Variants in CHAT observed in about 807,000 individuals in gnomAD.
The protein encoded by CHAT is acetyl CoA:choline O-acetyltransferase.
CHAT carries 61 observed loss-of-function variants against 76.9 expected under a neutral mutation model. The observed-to-expected ratio is 0.79, with a 90% CI of 0.65 to 0.98. CHAT has a LOEUF of 0.98. Ranked by LOEUF, CHAT falls within the 50% of genes least tolerant of loss-of-function variation. The probability of loss-of-function intolerance (pLI) is 0.00; values close to 1 mark genes in which losing one functional copy is unlikely to be tolerated. For missense variants in CHAT, 946 were observed against 986.9 expected (o/e 0.96, Z 0.56); for synonymous variants, 407 against 397.4 (o/e 1.02, Z -0.29).
At position 49,619,691 on chromosome 10, in the gene CHAT, TA is replaced by T. The variant is rs755708254; in HGVS notation, c.388-33del. ...GGGGACAGGCATGGGGCGCACATAC[TA>T]GAGGCACAATGCCTATGAACCCTTT... On this transcript the variant is annotated intron_variant, in intron 2 of 14. Coordinates refer to ENST00000337653, the MANE Select transcript of CHAT (RefSeq NM_020549.5). The T allele has an allele frequency of 1.9e-4, 302 of 1,599,360 alleles. No individual in the cohort carries two copies. In the African/African-American group the frequency reaches 3.7e-3, roughly 20 times the overall value.
chr10:49,631,991 G>C (rs1199839031), intron 7 of CHAT, among the ~76,000 whole-genome samples: 1 of 152,016 alleles, frequency 6.6e-6, no homozygotes, highest in Non-Finnish European at 1.5e-5. Flanking sequence ...AACAGCTCCA[G>C]CTCCAAAACA....
At position 49,619,712 on chromosome 10, in the gene CHAT, C is replaced by A; in HGVS notation, c.388-13C>A. On this transcript the variant is annotated splice_polypyrimidine_tract_variant and intron_variant, in intron 2 of 14. Transcript: ENST00000337653. Reference sequence around the variant, plus strand: ...ATACTAGAGGCACAATGCCTATGAACCCTTTCTTCCAGGGGCTGCCCAAAC... The same window carrying A: ...ATACTAGAGGCACAATGCCTATGAAACCTTTCTTCCAGGGGCTGCCCAAAC... 1 of 1,607,990 alleles carries A rather than the reference C, an allele frequency of 6.2e-7. No homozygotes were observed. The highest frequency in any genetic ancestry group is 8.5e-7 in the Non-Finnish European group (1 of 1,179,820).
chr10:49,665,317 G>A lies in CHAT; in HGVS notation c.*271G>A, dbSNP rs1840319082. Among the ~76,000 whole-genome samples, 1 of 152,180 alleles carries A rather than the reference G, an allele frequency of 6.6e-6. No individual in the cohort carries two copies. The highest frequency in any genetic ancestry group is 6.5e-5 in the Admixed American group (1 of 15,278). ...TCAGAGGCAGCCTGGATGCACTGGG[G>A]AACCACACTAAGGACTCCTTCTGTG... On this transcript the variant is annotated 3_prime_UTR_variant, in exon 15 of 15. Coordinates refer to ENST00000337653, the MANE Select transcript of CHAT (RefSeq NM_020549.5).
intron 13 of CHAT, among the ~76,000 whole-genome samples, chr10:49,659,272 T>A (rs1030150693): frequency 1.1e-4 from 17 of 152,186 alleles, no homozygotes; most frequent in Admixed American, 1.1e-3. Context: ...TCAAAGATAT[T>A]TTTAGACAGA....
intron 7 of CHAT, among the ~76,000 whole-genome samples, chr10:49,644,096 C>T (rs141951007): frequency 8.5e-4 from 130 of 152,286 alleles, no homozygotes; most frequent in African/African-American, 2.9e-3. Context: ...GTGGAGGCCA[C>T]GTGCTCAGGG....
At chr10:49,661,778 G>A (rs1307164887) in intron 13 of CHAT, among the ~76,000 whole-genome samples, 1 of 152,084 alleles carries the variant, frequency 6.6e-6, no homozygotes, top group Non-Finnish European at 1.5e-5. Flanking sequence ...CAAAAAACCA[G>A]TGTGCATACT....
intron 7 of CHAT, among the ~76,000 whole-genome samples, chr10:49,633,834 G>A (rs116010085): frequency 1.9e-4 from 29 of 152,228 alleles, no homozygotes; most frequent in Non-Finnish European, 1.5e-4. Context: ...ACACAGTCCC[G>A]TAAATATTTA....
At chr10:49,655,922 T>TAGGGAAATCAAACTTGCA (rs1176105064) in intron 13 of CHAT, among the ~76,000 whole-genome samples, 2 of 152,158 alleles carry the variant, frequency 1.3e-5, no homozygotes, top group African/African-American at 4.8e-5. Flanking sequence ...TGAAAATTAA[T>TAGGGAAATCAAACTTGCA]AGGGAAATCA....
intron 7 of CHAT, among the ~76,000 whole-genome samples, chr10:49,632,883 C>T (rs2132752670): frequency 6.6e-6 from 1 of 152,352 alleles, no homozygotes; most frequent in African/African-American, 2.4e-5. Flanking sequence ...GGGAGCAGGG[C>T]TGCCTGCCGC....
chr10:49,614,445 T>TCGG lies in CHAT; in HGVS notation c.258_260dup (p.Ala87dup), dbSNP rs1564469079. ...CACTCCTGAGTGGTGCGGTGCAGCG[T>TCGG]CGGCCGAGGCAGCAGAGCCGAGGAG... On this transcript the variant is annotated inframe_insertion, in exon 1 of 15. Transcript: ENST00000337653. 1 of 1,547,518 alleles carries TCGG rather than the reference T, an allele frequency of 6.5e-7. No homozygotes were observed. The highest frequency in any genetic ancestry group is 1.2e-5 in the South Asian group (1 of 83,976).
intron 11 of CHAT, 79 bp downstream of exon 11, chr10:49,652,085 C>T (rs1167449447): frequency 4.4e-6 from 7 of 1,591,322 alleles, no homozygotes. Flanking sequence ...TAGAAGCATC[C>T]TGGAGGGAGG....
intron 5 of CHAT, among the ~76,000 whole-genome samples, 162 bp from the exon 6 acceptor site, chr10:49,625,311 T>A (rs904597300): frequency 6.6e-6 from 1 of 152,206 alleles, no homozygotes; most frequent in Non-Finnish European, 1.5e-5. Context: ...CCTCCACTAC[T>A]TTAAAAAGTG....
intron 2 of CHAT, among the ~76,000 whole-genome samples, chr10:49,618,382 G>A (rs140339140): frequency 2.5e-3 from 373 of 152,240 alleles, no homozygotes; most frequent in Middle Eastern, 0.01. Context: ...TGAAAGGCAG[G>A]GTTTGCTACC....
At chr10:49,644,214 C>A (rs576265090) in intron 7 of CHAT, among the ~76,000 whole-genome samples, 44 of 152,084 alleles carry the variant, frequency 2.9e-4, no homozygotes, top group African/African-American at 1.0e-3. Flanking sequence ...GCACAGCCTG[C>A]GTGATGATGA....
rs561562136 is a variant in CHAT at position 49,622,138 on chromosome 10, C to T, written c.740C>T (p.Ala247Val). 2.0e-5 allele frequency: 30 copies of T among 1,505,742 alleles called. No individual in the cohort carries two copies. In the African/African-American group the frequency reaches 3.7e-4, roughly 18 times the overall value. The allele number at this position is 1,505,742 out of a possible 1,614,324, so 93.3% of individuals were successfully genotyped here. A position where few individuals can be genotyped will look rare whatever the true frequency, so the allele number is the denominator to read the frequency against. ...ATCTCTGGTGTACTCAGCTACAAGGCCCTGCTGGACAGGTAGGACTGGGAG... is the reference window on the plus strand; with the variant it reads ...ATCTCTGGTGTACTCAGCTACAAGGTCCTGCTGGACAGGTAGGACTGGGAG... ...SLISGVLSYKALLDSHSIPTD... is the reference protein window; with the variant it reads ...SLISGVLSYKVLLDSHSIPTD... Residue 247 changes from alanine (A) to valine (V), a missense_variant, in exon 5 of 15, where the codon GCC (alanine) becomes GTC (valine). By Grantham distance (64) the Ala-to-Val change is moderately conservative. This residue lies in a region of CHAT where 548 missense variants were observed against 516.2 expected (regional missense o/e 1.06). Transcript: ENST00000337653.
rs1365888529 is a variant in CHAT at position 49,614,147 on chromosome 10, G to A, written c.-43G>A. The A allele has an allele frequency of 1.3e-6, 2 of 1,546,144 alleles. No homozygotes were observed. The highest frequency in any genetic ancestry group is 1.4e-5 in the African/African-American group (1 of 72,764). ...CGGGAAGCGCTCCGGGTAGATTCTG[G>A]GGGCCGGGAGCTGAGATCCCTGGGC... On this transcript the variant is annotated 5_prime_UTR_variant, in exon 1 of 15. Transcript: ENST00000337653.
At chr10:49,638,424 C>T (rs1324854443) in intron 7 of CHAT, among the ~76,000 whole-genome samples, 1 of 152,178 alleles carries the variant, frequency 6.6e-6, no homozygotes, top group African/African-American at 2.4e-5. Context: ...GTATTTAGAA[C>T]ATTTACACTT....
At position 49,616,599 on chromosome 10, in the gene CHAT, G is replaced by A; in HGVS notation, c.384G>A (p.Glu128=). 1.2e-6 allele frequency: 2 copies of A among 1,602,744 alleles called. No individual in the cohort carries two copies. The highest frequency in any genetic ancestry group is 1.7e-6 in the Non-Finnish European group (2 of 1,172,012). ...KMAAKTPSSE[E]SGLPKLPVPP... is the part of the protein sequence containing the mutation. ...CAGCAAAAACTCCCAGCAGTGAGGAGTCTGTGAGTGACTTTTGGAGCCCTC... is the reference window on the plus strand; with the variant it reads ...CAGCAAAAACTCCCAGCAGTGAGGAATCTGTGAGTGACTTTTGGAGCCCTC... The change falls in exon 2 of 15, where the codon GAG becomes GAA. Residue 128 remains glutamate (E), a synonymous_variant. Coordinates refer to ENST00000337653, the MANE Select transcript of CHAT (RefSeq NM_020549.5).
chr10:49,658,981 C>T (rs924366240), intron 13 of CHAT, among the ~76,000 whole-genome samples: 1 of 152,030 alleles, frequency 6.6e-6, no homozygotes, highest in African/African-American at 2.4e-5. Context: ...AGAAAAGAGG[C>T]TTAGTCCAGG....
Sources: gnomAD v4.1 joint callset for allele counts (sites outside exome capture counted in the v4.1 genomes callset) on GRCh38, gnomAD v4.1.1 for gene constraint, gnomAD v4.1.1 regional missense constraint, MANE v1.5 for transcripts, NCBI Gene and HGNC (gene_info 2026-07-23, HGNC 2026-07-21) for gene names.